Variants in THSD4 observed in about 807,000 individuals in gnomAD.
The protein encoded by THSD4 is thrombospondin type-1 domain-containing protein 4.
Under a neutral mutation model 119.0 loss-of-function variants are expected in THSD4, and 69 were observed. The ratio of observed to expected loss-of-function variants is 0.58; its 90% confidence interval spans 0.48 to 0.71. THSD4 has a LOEUF of 0.71. Ranked by LOEUF, THSD4 falls within the 30% of genes least tolerant of loss-of-function variation. The pLI is 0.00. For synonymous variants in THSD4, 524 were observed against 540.4 expected (o/e 0.97, Z 0.42); for missense variants, 1,393 against 1,391.1 (o/e 1.00, Z -0.02).
In THSD4 at chr15:71,316,912, A is replaced by C. The variant is rs553531784; in HGVS notation, c.1015+60197A>C. Among the ~76,000 whole-genome samples the C allele has an allele frequency of 1.4e-4, 21 of 152,344 alleles. No homozygotes were observed. In the East Asian group the frequency reaches 4.0e-3, roughly 29 times the overall value. ...ACCTAATAAACCATTGTCAATGCTG[A>C]CATTTATATTTTCATGTGACACAAA... is the stretch of plus-strand genomic sequence containing the variant. On this transcript the variant is annotated intron_variant, in intron 6 of 17. Coordinates refer to ENST00000261862, the MANE Select transcript of THSD4 (RefSeq NM_024817.3).
At chr15:71,581,724 CTT>C (rs1407920144) in intron 7 of THSD4, among the ~76,000 whole-genome samples, 1 of 152,182 alleles carries the variant, frequency 6.6e-6, no homozygotes, top group Non-Finnish European at 1.5e-5. Flanking sequence ...TGATTCCACT[CTT>C]CTGCATGTGG....
chr15:71,380,031 T>C (rs577693944), intron 6 of THSD4, among the ~76,000 whole-genome samples: 2 of 152,238 alleles, frequency 1.3e-5, no homozygotes, highest in South Asian at 4.1e-4. Flanking sequence ...GTTTGCCTTA[T>C]AGCCACCTGT....
intron 7 of THSD4, among the ~76,000 whole-genome samples, chr15:71,600,222 TC>T (rs1567056379): frequency 3.3e-5 from 5 of 152,036 alleles, no homozygotes; most frequent in Admixed American, 1.3e-4. Flanking sequence ...AAAGTCTTGC[TC>T]TCCTCCTGGA....
At position 71,404,191 on chromosome 15, in the gene THSD4, A is replaced by C. The variant is rs542822865; in HGVS notation, c.1016-7496A>C. On this transcript the variant is annotated intron_variant, in intron 6 of 17. Transcript: ENST00000261862. ...TAACTATTATCATGATATGATTGCA[A>C]ACATTTTCCTTATCCTAAGAAGGAA... 2.4e-3 allele frequency among the ~76,000 whole-genome samples: 368 copies of C among 152,276 alleles called. 2 individuals carry two copies. The highest frequency in any genetic ancestry group is 8.6e-3 in the African/African-American group (356 of 41,558).
At chr15:71,607,803 A>T (rs111970254) in intron 7 of THSD4, among the ~76,000 whole-genome samples, 3 of 152,226 alleles carry the variant, frequency 2.0e-5, no homozygotes, top group African/African-American at 7.2e-5. Context: ...GAGGAGAGCA[A>T]GAAGTGAGTA....
intron 4 of THSD4, among the ~76,000 whole-genome samples, chr15:71,229,562 CA>C (rs1297287514): frequency 6.6e-6 from 1 of 152,074 alleles, no homozygotes; most frequent in Non-Finnish European, 1.5e-5. Context: ...GGAATAATGA[CA>C]AGAAAAAAGT....
chr15:71,318,526 T>C (rs2045222243), intron 6 of THSD4, among the ~76,000 whole-genome samples: 1 of 152,128 alleles, frequency 6.6e-6, no homozygotes, highest in Non-Finnish European at 1.5e-5. Context: ...AGTATCCTAA[T>C]GGGAAAAGCT....
chr15:71,345,312 C>T (rs2045640112), intron 6 of THSD4, among the ~76,000 whole-genome samples: 1 of 152,020 alleles, frequency 6.6e-6, no homozygotes, highest in Non-Finnish European at 1.5e-5. Context: ...CAGCTCCCAT[C>T]CTGGGCCAGA....
Position 71,777,387 on chromosome 15 carries a change from C to G in THSD4, c.*13C>G, listed in dbSNP as rs1236436258. ...GGGGAGCAGATAACACTCCTGCACCCCCATCAGTAGGGCAGCATCACTGCC... is the reference window on the plus strand; with the variant it reads ...GGGGAGCAGATAACACTCCTGCACCGCCATCAGTAGGGCAGCATCACTGCC... On this transcript the variant is annotated 3_prime_UTR_variant, in exon 18 of 18. Coordinates refer to ENST00000261862, the MANE Select transcript of THSD4 (RefSeq NM_024817.3). 1.2e-6 allele frequency: 2 copies of G among 1,611,196 alleles called. No homozygotes were observed. The highest frequency in any genetic ancestry group is 2.2e-5 in the East Asian group (1 of 44,790).
At chr15:71,675,330 C>G (rs2051621188) in intron 8 of THSD4, among the ~76,000 whole-genome samples, 1 of 152,204 alleles carries the variant, frequency 6.6e-6, no homozygotes, top group Admixed American at 6.5e-5. Context: ...CTCTGATCAT[C>G]TCTCCAGCTC....
At chr15:71,199,690 G>GT (rs1567154777) in intron 3 of THSD4, among the ~76,000 whole-genome samples, 8 of 59,124 alleles carry the variant, frequency 1.4e-4, no homozygotes, top group Admixed American at 4.4e-4. Context: ...GTGTGTGTGT[G>GT]GTGTGTGTGG....
At chr15:71,471,840 G>A (rs537891943) in intron 7 of THSD4, among the ~76,000 whole-genome samples, 64 of 152,218 alleles carry the variant, frequency 4.2e-4, no homozygotes, top group African/African-American at 1.3e-3. Flanking sequence ...GTTTCAGAGC[G>A]TGGGATCTGG....
chr15:71,111,884 A>C (rs2040307808), upstream of THSD4: 1 of 551,100 alleles, frequency 1.8e-6, no homozygotes, highest in South Asian at 2.7e-5. Flanking sequence ...TAGGCCCAAG[A>C]GATGTTTCGC....
chr15:71,129,756 T>C (rs1305240146), intron 1 of THSD4, among the ~76,000 whole-genome samples: 1 of 152,208 alleles, frequency 6.6e-6, no homozygotes, highest in Non-Finnish European at 1.5e-5. Flanking sequence ...CAGAGTTTTT[T>C]GGCATACGTT....
At chr15:71,486,823 C>T (rs1236972085) in intron 7 of THSD4, among the ~76,000 whole-genome samples, 2 of 152,074 alleles carry the variant, frequency 1.3e-5, no homozygotes, top group Admixed American at 6.5e-5. Context: ...GGTCCTTTTC[C>T]TGGAGCTAAC....
chr15:71,156,221 T>C (rs995637150), intron 3 of THSD4, among the ~76,000 whole-genome samples: 1 of 151,992 alleles, frequency 6.6e-6, no homozygotes, highest in African/African-American at 2.4e-5. Context: ...TATCTAAGTG[T>C]GAGCAAGTTG....
intron 7 of THSD4, among the ~76,000 whole-genome samples, chr15:71,489,908 A>G (rs575820523): frequency 6.6e-6 from 1 of 152,282 alleles, no homozygotes; most frequent in South Asian, 2.1e-4. Context: ...AAGAAAATTA[A>G]AACCACCATC....
intron 7 of THSD4, among the ~76,000 whole-genome samples, chr15:71,495,362 A>G (rs1234733283): frequency 6.6e-6 from 1 of 152,186 alleles, no homozygotes; most frequent in Non-Finnish European, 1.5e-5. Flanking sequence ...GGCCCCTCTC[A>G]GAGCAGAGTC....
chr15:71,272,572 T>C (rs560581064), intron 6 of THSD4, among the ~76,000 whole-genome samples: 15 of 152,024 alleles, frequency 9.9e-5, no homozygotes, highest in Admixed American at 3.9e-4. Context: ...TATCATCTCA[T>C]GCCTGTTAGA....
Sources: gnomAD v4.1 joint callset for allele counts (sites outside exome capture counted in the v4.1 genomes callset) on GRCh38, gnomAD v4.1.1 for gene constraint, MANE v1.5 for transcripts, NCBI Gene and HGNC (gene_info 2026-07-23, HGNC 2026-07-21) for gene names.